Variants in KDM5B observed in about 807,000 individuals in gnomAD.
KDM5B encodes lysine-specific demethylase 5B.
In KDM5B, 144 loss-of-function variants were observed where a neutral mutation model predicts 193.4. That is an observed-to-expected ratio of 0.74 (90% CI 0.65 to 0.86). The LOEUF is 0.86. KDM5B is among the 40% of genes least tolerant of loss of function. KDM5B has a pLI of 0.00. For missense variants in KDM5B, 1,833 were observed against 1,886.9 expected (o/e 0.97, Z 0.53); for synonymous variants, 668 against 682.6 (o/e 0.98, Z 0.33).
In KDM5B at chr1:202,808,411, C is replaced by A; in HGVS notation, c.-106G>T. 1.9e-6 allele frequency: 2 copies of A among 1,038,676 alleles called. No individual in the cohort carries two copies. The highest frequency in any genetic ancestry group is 3.3e-5 in the South Asian group (2 of 60,124). The allele number at this position is 1,038,676 out of a possible 1,614,324, so 64.3% of individuals were successfully genotyped here. ...AGACGCGGCTCGAGCAACAGCAAGT[C>A]CGAGTTGTACGGGCAACGGCAGCAC... On this transcript the variant is annotated 5_prime_UTR_variant, in exon 1 of 27. Coordinates refer to ENST00000367265, the MANE Select transcript of KDM5B (RefSeq NM_006618.5).
chr1:202,756,322 T>A (rs761582987), intron 10 of KDM5B, 36 bp downstream of exon 10: 1 of 1,534,066 alleles, frequency 6.5e-7, no homozygotes, highest in African/African-American at 1.4e-5. Context: ...AGAATTTCAA[T>A]AAATACCTCA....
intron 23 of KDM5B, chr1:202,732,144 A>C (rs927063275): frequency 5.8e-6 from 3 of 518,074 alleles, no homozygotes; most frequent in Non-Finnish European, 3.4e-6. Context: ...CAAGCCTTTA[A>C]TCTTTCCAGT....
intron 20 of KDM5B, among the ~76,000 whole-genome samples, chr1:202,740,225 TTG>T: frequency 8.1e-6 from 1 of 123,340 alleles, no homozygotes; most frequent in African/African-American, 3.2e-5. Flanking sequence ...GCTGGCCGGG[TTG>T]GGGGCTGACC....
At chr1:202,770,134 TC>T in intron 4 of KDM5B, among the ~76,000 whole-genome samples, 2 of 152,314 alleles carry the variant, frequency 1.3e-5, no homozygotes, top group Middle Eastern at 6.8e-3. Flanking sequence ...ATTATTTTGT[TC>T]CAAACCACAA....
chr1:202,742,873 G>T, intron 16 of KDM5B, 68 bp from the exon 17 acceptor site: 1 of 1,337,802 alleles, frequency 7.5e-7, no homozygotes. Context: ...ATGAAATTCA[G>T]AGGAGACTGG....
intron 14 of KDM5B, chr1:202,746,685 A>G (rs1655574553): frequency 1.2e-5 from 2 of 165,908 alleles, no homozygotes; most frequent in South Asian, 2.0e-4. Flanking sequence ...AAAGAAAGGA[A>G]TATGTTTCCT....
intron 20 of KDM5B, 76 bp from the exon 21 acceptor site, chr1:202,736,468 A>T: frequency 8.4e-7 from 1 of 1,185,590 alleles, no homozygotes; most frequent in African/African-American, 1.6e-5. Flanking sequence ...CTTAATTCAG[A>T]TTGGTCCATT....
chr1:202,734,038 G>T, intron 22 of KDM5B, 152 bp from the exon 23 acceptor site: 2 of 964,100 alleles, frequency 2.1e-6, no homozygotes, highest in Non-Finnish European at 3.1e-6. Flanking sequence ...GTGACCTGGT[G>T]CCATGTATTC....
chr1:202,778,280 G>C (rs1657045716), intron 1 of KDM5B, among the ~76,000 whole-genome samples: 1 of 151,956 alleles, frequency 6.6e-6, no homozygotes, highest in Admixed American at 6.6e-5. Context: ...GAAGTAATCA[G>C]ACAATTAAAT....
rs1273286779 is a variant in KDM5B, at chr1:202,728,452, C to G, written c.*584G>C. On this transcript the variant is annotated 3_prime_UTR_variant, in exon 27 of 27. Coordinates refer to ENST00000367265, the MANE Select transcript of KDM5B (RefSeq NM_006618.5). ...AAGTTTGTTTTGTTTTGTTTTAATTCCAGCCACTGAAACCAACATAGAAGT... is the reference window on the plus strand; with the variant it reads ...AAGTTTGTTTTGTTTTGTTTTAATTGCAGCCACTGAAACCAACATAGAAGT... 1 of 152,784 alleles carries G rather than the reference C, an allele frequency of 6.5e-6. No homozygotes were observed. The highest frequency in any genetic ancestry group is 2.4e-5 in the African/African-American group (1 of 41,416). The allele number at this position is 152,784 out of a possible 1,614,324, so 9.5% of individuals were successfully genotyped here.
chr1:202,730,934 G>A lies in KDM5B; in HGVS notation c.4151C>T (p.Ser1384Leu), dbSNP rs772363682. Residue 1384 changes from serine (S) to leucine (L), a missense_variant, in exon 25 of 27, where the codon TCA becomes TTA. By Grantham distance (145) the Ser-to-Leu change is moderately radical. Coordinates refer to ENST00000367265, the MANE Select transcript of KDM5B (RefSeq NM_006618.5). ...CTTCTCACTGCTGGGTCTCACTGGT[G>A]AGCTTCGGTCAGTCTGCTGAGCAGG... ...PSPAQQTDRS[S>L]PVRPSSEKND... is the part of the protein sequence containing the mutation. 6.2e-5 allele frequency: 99 copies of A among 1,609,354 alleles called. No individual in the cohort carries two copies. Among genetic ancestry groups the A allele is most frequent in the Non-Finnish European group, 8.2e-5 (96 of 1,176,940 alleles).
Position 202,749,071 on chromosome 1 carries a change from A to G in KDM5B, c.1890T>C (p.Asp630=). 6.2e-7 allele frequency: 1 copy of G among 1,613,910 alleles called. No homozygotes were observed. The highest frequency in any genetic ancestry group is 8.5e-7 in the Non-Finnish European group (1 of 1,179,776). ...LLHRYCVFSH[D]EMICKMASKA... is the part of the protein sequence containing the mutation. ...TGGAAGCCATCTTGCAGATCATCTC[A>G]TCGTGGGAAAACACACAATATCGAT... The change falls in exon 14 of 27, where the codon GAT becomes GAC. Residue 630 remains aspartate (D), a synonymous_variant. Transcript: ENST00000367265.
intron 4 of KDM5B, 33 bp from the exon 5 acceptor site, chr1:202,767,093 C>G (rs1558501725): frequency 6.2e-7 from 1 of 1,601,970 alleles, no homozygotes; most frequent in Admixed American, 1.8e-5. Context: ...TAAATTCCCT[C>G]CTTTTTTTTT....
chr1:202,767,072 A>C lies in KDM5B; in HGVS notation c.577-12T>G, dbSNP rs922204475. 1 of 1,607,994 alleles carries C rather than the reference A, an allele frequency of 6.2e-7. No individual in the cohort carries two copies. The highest frequency in any genetic ancestry group is 1.3e-5 in the African/African-American group (1 of 74,104). On this transcript the variant is annotated splice_polypyrimidine_tract_variant and intron_variant, in intron 4 of 26. Coordinates refer to ENST00000367265, the MANE Select transcript of KDM5B (RefSeq NM_006618.5). ...GGCTTCTGCAAACACTAGAAATAAC[A>C]ACTGTACTGATAAATTCCCTCCTTT...
In KDM5B at chr1:202,735,532, T is replaced by G. The variant is rs531705521; in HGVS notation, c.3320A>C (p.Lys1107Thr). The change falls in exon 22 of 27, where the codon AAG becomes ACG. Residue 1107 changes from lysine (K) to threonine (T), a missense_variant. By Grantham distance (78) the Lys-to-Thr change is moderately conservative. Coordinates refer to ENST00000367265, the MANE Select transcript of KDM5B (RefSeq NM_006618.5). ...TCCATTTGGCAAGGGCTCCTTTAAC[T>G]TTCTCTGCTTCCTTTTCAATCCCAA... is the stretch of plus-strand genomic sequence containing the variant. Reference protein sequence around the residue: ...GLLGLKRKQRKLKEPLPNGKK... With the variant: ...GLLGLKRKQRTLKEPLPNGKK... The G allele has an allele frequency of 3.7e-6, 6 of 1,614,120 alleles. No homozygotes were observed. In the Admixed American group the frequency reaches 6.7e-5, roughly 18 times the overall value.
rs1020252926 is a variant in KDM5B, at chr1:202,762,043, G to A, written c.918+656C>T. Among the ~76,000 whole-genome samples the A allele has an allele frequency of 3.1e-4, 47 of 152,232 alleles. 1 individual carries two copies. Among genetic ancestry groups the A allele is most frequent in the Admixed American group, 1.7e-3 (26 of 15,292 alleles). On this transcript the variant is annotated intron_variant, in intron 7 of 26. Transcript: ENST00000367265. ...TCTAGTTCCAAGAAAAAAAAGCACCGTTTCAGGCTCTCAGAAGGGGGCAGA... is the reference window on the plus strand; with the variant it reads ...TCTAGTTCCAAGAAAAAAAAGCACCATTTCAGGCTCTCAGAAGGGGGCAGA...
chr1:202,739,795 G>A lies in KDM5B; in HGVS notation c.3084+879C>T, dbSNP rs1315874618. Among the ~76,000 whole-genome samples, 11 of 152,236 alleles carry A rather than the reference G, an allele frequency of 7.2e-5. No homozygotes were observed. In the East Asian group the frequency reaches 2.1e-3, roughly 29 times the overall value. ...TCAGAGAGCACAGGGTTGGGGGTAA[G>A]GTCACCGATCAACAGGATCCCAAGG... On this transcript the variant is annotated intron_variant, in intron 20 of 26. Coordinates refer to ENST00000367265, the MANE Select transcript of KDM5B (RefSeq NM_006618.5).
Position 202,728,582 on chromosome 1 carries a change from C to T in KDM5B, c.*454G>A, listed in dbSNP as rs1348108317. Reference sequence around the variant, plus strand: ...CAAAGTGAAAAACTTAAAAATTTCCCCAATGTGGTAACAGAGTAAACAAGG... The same window carrying T: ...CAAAGTGAAAAACTTAAAAATTTCCTCAATGTGGTAACAGAGTAAACAAGG... On this transcript the variant is annotated 3_prime_UTR_variant, in exon 27 of 27. Transcript: ENST00000367265. 6.5e-6 allele frequency: 1 copy of T among 153,026 alleles called. No individual in the cohort carries two copies. Among genetic ancestry groups the T allele is most frequent in the African/African-American group, 2.4e-5 (1 of 41,454 alleles). 9.5% of individuals were successfully genotyped at this position (153,026 alleles called of 1,614,324 possible). A position where few individuals can be genotyped will look rare whatever the true frequency, so the allele number is the denominator to read the frequency against.
intron 1 of KDM5B, among the ~76,000 whole-genome samples, chr1:202,803,675 T>C (rs1413155593): frequency 6.6e-6 from 1 of 151,928 alleles, no homozygotes; most frequent in East Asian, 1.9e-4. Context: ...AATACAAAGT[T>C]AGCCGGGCGT....
Sources: gnomAD v4.1 joint callset for allele counts (sites outside exome capture counted in the v4.1 genomes callset) on GRCh38, gnomAD v4.1.1 for gene constraint, MANE v1.5 for transcripts, NCBI Gene and HGNC (gene_info 2026-07-23, HGNC 2026-07-21) for gene names.